The following PCDH9 variants were observed in gnomAD, a reference collection of about 807,000 sequenced individuals.
PCDH9 encodes protocadherin 9, also known as protocadherin-9.
Under a neutral mutation model 70.6 loss-of-function variants are expected in PCDH9, and 24 were observed. The ratio of observed to expected loss-of-function variants is 0.34; its 90% CI spans 0.25 to 0.48. PCDH9 has a LOEUF of 0.48. Ranked by LOEUF, PCDH9 falls within the 20% of genes least tolerant of loss-of-function variation. The pLI, the probability that PCDH9 is intolerant of heterozygous loss-of-function variation, is 0.99. For synonymous variants in PCDH9, 562 were observed against 558.5 expected (o/e 1.01, Z -0.09); for missense variants, 1,281 against 1,503.6 (o/e 0.85, Z 2.45).
intron 2 of PCDH9, among the ~76,000 whole-genome samples, chr13:66,948,338 C>T (rs2083123096): frequency 1.3e-5 from 2 of 152,056 alleles, no homozygotes; most frequent in Admixed American, 6.6e-5. Flanking sequence ...ATTAACCAGT[C>T]AACCAAAATA....
intron 3 of PCDH9, among the ~76,000 whole-genome samples, chr13:66,839,821 C>A (rs1421609308): frequency 6.6e-6 from 1 of 152,128 alleles, no homozygotes; most frequent in African/African-American, 2.4e-5. Context: ...TTCACTGCCA[C>A]CCTAGTCCTC....
rs1395546525 is a variant in PCDH9 at position 67,140,034 on chromosome 13, C to A, written c.3036+85371G>T. The stretch of plus-strand genomic sequence containing the variant: ...ATGTGATTTTTTGATCACCCCCCCC[C>A]CCCCGCCCATTGTGTTATTTTTTAA... On this transcript the variant is annotated intron_variant, in intron 2 of 4. Transcript: ENST00000377865. 4.0e-5 allele frequency among the ~76,000 whole-genome samples: 5 copies of A among 125,996 alleles called. 1 individual carries two copies. Among genetic ancestry groups the A allele is most frequent in the Middle Eastern group, 3.9e-3 (1 of 258 alleles). 82.7% of individuals were successfully genotyped at this position (125,996 alleles called of 152,430 possible). A position where few individuals can be genotyped will look rare whatever the true frequency, so the allele number is the denominator to read the frequency against.
intron 4 of PCDH9, among the ~76,000 whole-genome samples, chr13:66,505,821 G>A (rs983359585): frequency 6.6e-5 from 10 of 152,086 alleles, no homozygotes; most frequent in African/African-American, 2.4e-4. Flanking sequence ...TGGGGGCACA[G>A]CCAAGCCATA....
At chr13:66,675,253 C>T (rs2078227224) in intron 3 of PCDH9, among the ~76,000 whole-genome samples, 1 of 152,064 alleles carries the variant, frequency 6.6e-6, no homozygotes. Flanking sequence ...GTGTTCCTTT[C>T]AGAAGACAGT....
chr13:67,006,355 C>A lies in PCDH9; in HGVS notation c.3037-102750G>T, dbSNP rs139580681. On this transcript the variant is annotated intron_variant, in intron 2 of 4. Coordinates refer to ENST00000377865, the MANE Select transcript of PCDH9 (RefSeq NM_203487.3). ...GTGCAGGAATGTATAAAATACAAAACCGGAATAGAAATGGAAGAGGCTTCT... is the reference window on the plus strand; with the variant it reads ...GTGCAGGAATGTATAAAATACAAAAACGGAATAGAAATGGAAGAGGCTTCT... Among the ~76,000 whole-genome samples the A allele has an allele frequency of 3.0e-3, 463 of 152,166 alleles. 6 individuals are homozygous for A. Among genetic ancestry groups the A allele is most frequent in the African/African-American group, 0.01 (434 of 41,480 alleles).
chr13:66,639,740 A>C (rs977846395), intron 3 of PCDH9, among the ~76,000 whole-genome samples: 2 of 152,184 alleles, frequency 1.3e-5, no homozygotes, highest in African/African-American at 4.8e-5. Context: ...CACCCTTATA[A>C]GTCTCCTCAG....
chr13:67,155,337 G>T (rs549471628), intron 2 of PCDH9, among the ~76,000 whole-genome samples: 1 of 152,210 alleles, frequency 6.6e-6, no homozygotes, highest in Non-Finnish European at 1.5e-5. Flanking sequence ...TTGTTATAAG[G>T]TTTTGAAATT....
intron 2 of PCDH9, among the ~76,000 whole-genome samples, chr13:67,166,543 G>A (rs1171655684): frequency 1.3e-5 from 2 of 152,058 alleles, no homozygotes; most frequent in Non-Finnish European, 2.9e-5. Flanking sequence ...GTTTCAATTT[G>A]GTAACTGTTT....
intron 3 of PCDH9, among the ~76,000 whole-genome samples, chr13:66,877,902 C>T (rs2081847462): frequency 1.3e-5 from 2 of 152,284 alleles, no homozygotes; most frequent in Admixed American, 6.5e-5. Context: ...CCCACCAGCC[C>T]TTTCACCTTA....
At chr13:67,057,191 A>G (rs2085438783) in intron 2 of PCDH9, among the ~76,000 whole-genome samples, 3 of 152,120 alleles carry the variant, frequency 2.0e-5, no homozygotes, top group South Asian at 4.1e-4. Context: ...AAGTTACCCT[A>G]TGAATTCTGA....
rs143946525 is a variant in PCDH9 at position 66,341,376 on chromosome 13, G to A, written c.3341-36348C>T. ...CTCAAAGTGCTGGAATTACAAGCAT[G>A]AGCCACCATGCCTGGCCAACTTGCT... On this transcript the variant is annotated intron_variant, in intron 4 of 4. Transcript: ENST00000377865. Among the ~76,000 whole-genome samples the A allele has an allele frequency of 2.8e-3, 422 of 152,242 alleles. 16 individuals carry two copies. The East Asian group carries it at 0.068, about 25-fold the overall frequency.
At chr13:66,602,107 T>TC (rs2077172071) in intron 4 of PCDH9, among the ~76,000 whole-genome samples, 1 of 145,926 alleles carries the variant, frequency 6.9e-6, no homozygotes, top group Non-Finnish European at 1.5e-5. Context: ...ACAGGGGTGT[T>TC]CAGCCTTTTG....
At chr13:66,822,740 C>A (rs1315135319) in intron 3 of PCDH9, among the ~76,000 whole-genome samples, 2 of 151,798 alleles carry the variant, frequency 1.3e-5, no homozygotes, top group African/African-American at 4.8e-5. Context: ...TGGCCCCTGA[C>A]CTAAAGTGAT....
At chr13:66,343,952 T>C (rs1956171744) in intron 4 of PCDH9, among the ~76,000 whole-genome samples, 1 of 152,166 alleles carries the variant, frequency 6.6e-6, no homozygotes, top group South Asian at 2.1e-4. Flanking sequence ...TCACTCATAA[T>C]CTTTAATTAT....
intron 4 of PCDH9, among the ~76,000 whole-genome samples, chr13:66,571,874 T>C (rs1390112056): frequency 1.3e-5 from 2 of 152,114 alleles, no homozygotes; most frequent in African/African-American, 4.8e-5. Flanking sequence ...TGTTTTATCG[T>C]GTATGACTAA....
intron 2 of PCDH9, among the ~76,000 whole-genome samples, chr13:67,037,675 C>A (rs959311997): frequency 3.9e-5 from 6 of 152,146 alleles, no homozygotes; most frequent in African/African-American, 1.4e-4. Context: ...TCAGTGAGAA[C>A]TGTAGTGTGG....
chr13:66,869,732 G>A (rs186407978), intron 3 of PCDH9, among the ~76,000 whole-genome samples: 1 of 152,180 alleles, frequency 6.6e-6, no homozygotes, highest in African/African-American at 2.4e-5. Context: ...TTGAATTTGA[G>A]AAACCTCGTC....
chr13:66,881,916 C>T (rs2081927586), intron 3 of PCDH9, among the ~76,000 whole-genome samples: 1 of 152,166 alleles, frequency 6.6e-6, no homozygotes, highest in Non-Finnish European at 1.5e-5. Flanking sequence ...TTAAGCAACA[C>T]TTTAAAAATA....
At chr13:67,193,903 C>A (rs927649572) in intron 2 of PCDH9, among the ~76,000 whole-genome samples, 1 of 152,012 alleles carries the variant, frequency 6.6e-6, no homozygotes, top group Non-Finnish European at 1.5e-5. Context: ...ACAAACGAGG[C>A]CAACATTTAA....
Sources: gnomAD v4.1 joint callset for allele counts (sites outside exome capture counted in the v4.1 genomes callset) on GRCh38, gnomAD v4.1.1 for gene constraint, MANE v1.5 for transcripts, NCBI Gene and HGNC (gene_info 2026-07-23, HGNC 2026-07-21) for gene names.